The following ZZEF1 variants were observed in gnomAD, a reference collection of about 807,000 sequenced individuals.
ZZEF1 encodes the protein zinc finger ZZ-type and EF-hand domain-containing protein 1.
ZZEF1 carries 157 observed loss-of-function variants against 342.8 expected under a neutral mutation model. The observed-to-expected ratio is 0.46, with a 90% confidence interval of 0.40 to 0.52. The LOEUF (loss-of-function observed/expected upper bound fraction) is 0.52, where lower values mean the gene tolerates loss of function less well. ZZEF1 is among the 20% of genes least tolerant of loss of function. The pLI, the probability that ZZEF1 is intolerant of heterozygous loss-of-function variation, is 0.00. For synonymous variants in ZZEF1, 1,505 were observed against 1,429.1 expected (o/e 1.05, Z -1.20); for missense variants, 3,480 against 3,725.6 (o/e 0.93, Z 1.72).
chr17:4,137,949 C>G (rs2058779588), intron 1 of ZZEF1, among the ~76,000 whole-genome samples: 1 of 152,112 alleles, frequency 6.6e-6, no homozygotes, highest in African/African-American at 2.4e-5. Context: ...ATACACAGGA[C>G]AAAGGAGGTG....
intron 24 of ZZEF1, among the ~76,000 whole-genome samples, chr17:4,073,491 G>A (rs1163172465): frequency 6.6e-6 from 1 of 152,240 alleles, no homozygotes; most frequent in East Asian, 1.9e-4. Flanking sequence ...GAGTGCAGCA[G>A]TATGATCACA....
chr17:4,049,881 G>A (rs779201606), intron 36 of ZZEF1, 22 bp from the exon 37 acceptor site: 1 of 1,610,478 alleles, frequency 6.2e-7, no homozygotes, highest in South Asian at 1.1e-5. Context: ...GCAAATCAGA[G>A]AATGGTTAGA....
chr17:4,014,102 G>A lies in ZZEF1; in HGVS notation c.8401C>T (p.Arg2801Trp), dbSNP rs762376601. ...CCAGAGCACACACCTGTCTGGAACC[G>A]CCCCAGGTGTCCGGCCGTCACGGTG... Reference protein sequence around the residue: ...RFTVTAGHLGRFQTGFEILKQ... With the variant: ...RFTVTAGHLGWFQTGFEILKQ... The change falls in exon 51 of 55, where the codon CGG becomes TGG. Residue 2801 changes from arginine (R) to tryptophan (W), a missense_variant. Physicochemically the swap from Arg to Trp is moderately radical, Grantham distance 101 (BLOSUM62 -3). Around this residue, in one of 5 missense-constraint regions of ZZEF1, gnomAD observed 1,269 missense variants for 1,342.4 expected, o/e 0.95. Coordinates refer to ENST00000381638, the MANE Select transcript of ZZEF1 (RefSeq NM_015113.4). The surrounding 1 kb of genome is among the most constrained non-coding windows in gnomAD (Gnocchi z 4.4). 1.4e-5 allele frequency: 22 copies of A among 1,614,008 alleles called. No homozygotes were observed. The highest frequency in any genetic ancestry group is 1.8e-5 in the Non-Finnish European group (21 of 1,180,024).
At chr17:4,141,217 T>C (rs1484067754) in intron 1 of ZZEF1, among the ~76,000 whole-genome samples, 1 of 152,198 alleles carries the variant, frequency 6.6e-6, no homozygotes, top group African/African-American at 2.4e-5. Flanking sequence ...CCATGACTAT[T>C]ATTTTTAAGG....
At position 4,086,691 on chromosome 17, in the gene ZZEF1, G is replaced by A. The variant is rs1443060353; in HGVS notation, c.2343-36C>T. 3 of 1,609,076 alleles carry A rather than the reference G, an allele frequency of 1.9e-6. No individual in the cohort carries two copies. In the South Asian group the frequency reaches 3.3e-5, roughly 18 times the overall value. ...ACAAAAAACATCAGAGAGCAAAAGG[G>A]CAAGTTGCATTTACTCTCCAAAGCC... On this transcript the variant is annotated intron_variant, in intron 14 of 54. Transcript: ENST00000381638.
Position 4,064,837 on chromosome 17 carries a change from C to T in ZZEF1, c.4250-8G>A. On this transcript the variant is annotated splice_region_variant and splice_polypyrimidine_tract_variant and intron_variant, in intron 28 of 54. Transcript: ENST00000381638. ...TCTCAATGCACTCTTTTGCTAGATG[C>T]AAACAAGAATCATAATTGAAAAAAA... 1.2e-6 allele frequency: 1 copy of T among 849,894 alleles called. No individual in the cohort carries two copies. The highest frequency in any genetic ancestry group is 1.6e-6 in the Non-Finnish European group (1 of 631,702). 52.6% of individuals were successfully genotyped at this position (849,894 alleles called of 1,614,324 possible). A position where few individuals can be genotyped will look rare whatever the true frequency, so the allele number is the denominator to read the frequency against.
chr17:4,007,546 T>C (rs2055833419), intron 54 of ZZEF1, among the ~76,000 whole-genome samples: 1 of 151,702 alleles, frequency 6.6e-6, no homozygotes, highest in Non-Finnish European at 1.5e-5. Flanking sequence ...AAATGGAGAC[T>C]GGACAGGGGC....
chr17:4,026,519 T>G (rs899887235), intron 42 of ZZEF1, among the ~76,000 whole-genome samples: 7 of 151,708 alleles, frequency 4.6e-5, no homozygotes, highest in African/African-American at 9.7e-5. Context: ...CATCTTTTTT[T>G]TTTCTTTTTT....
rs528960043 is a variant in ZZEF1 at position 4,075,144 on chromosome 17, G to A, written c.3436C>T (p.Arg1146Trp). Residue 1146 changes from arginine (R) to tryptophan (W), a missense_variant, in exon 23 of 55, where the codon CGG becomes TGG. Physicochemically the swap from Arg to Trp is moderately radical, Grantham distance 101 (BLOSUM62 -3). This residue lies in a region of ZZEF1 where 1,528 missense variants were observed against 1,624.1 expected (regional missense o/e 0.94). Transcript: ENST00000381638. ...ACTTTTGTGTCATAGCGTGTTTTCC[G>A]ACCTCTAGCGTCGGTAAATTCCAGA... is the stretch of plus-strand genomic sequence containing the variant. Reference protein sequence around the residue: ...DYLEFTDARGRKTRYDTKVGT... With the variant: ...DYLEFTDARGWKTRYDTKVGT... The A allele has an allele frequency of 1.6e-5, 26 of 1,614,176 alleles. No individual in the cohort carries two copies. The highest frequency in any genetic ancestry group is 4.5e-5 in the East Asian group (2 of 44,888).
intron 24 of ZZEF1, among the ~76,000 whole-genome samples, chr17:4,073,787 T>C (rs2057555233): frequency 6.6e-6 from 1 of 152,198 alleles, no homozygotes. Context: ...TATCTACATA[T>C]ATTTACATAA....
chr17:4,018,683 T>G (rs893562753), intron 46 of ZZEF1, among the ~76,000 whole-genome samples: 14 of 152,086 alleles, frequency 9.2e-5, no homozygotes, highest in Non-Finnish European at 1.0e-4. Flanking sequence ...CCCTTCTCTC[T>G]CTCTAAAGCT....
intron 1 of ZZEF1, among the ~76,000 whole-genome samples, chr17:4,128,452 A>G (rs927739524): frequency 1.4e-4 from 13 of 94,666 alleles, no homozygotes; most frequent in South Asian, 4.9e-4. Context: ...ATATTTTTCT[A>G]AAGTTGTTTT....
At position 4,054,128 on chromosome 17, in the gene ZZEF1, TCATCACA is replaced by T; in HGVS notation, c.5356_5362del (p.Cys1786ArgfsTer24). On this transcript the variant is annotated frameshift_variant, in exon 34 of 55. Transcript: ENST00000381638. LOFTEE classifies it high-confidence loss of function. ...GCGGTATCGATGCCAGGGGGCAATC[TCATCACA>T]CCCATCACAAGAGATGTCCACATTT... The T allele has an allele frequency of 6.2e-7, 1 of 1,613,744 alleles. No homozygotes were observed. The highest frequency in any genetic ancestry group is 8.5e-7 in the Non-Finnish European group (1 of 1,179,818).
At chr17:4,054,525 C>T (rs549418465) in intron 33 of ZZEF1, among the ~76,000 whole-genome samples, 6 of 152,188 alleles carry the variant, frequency 3.9e-5, no homozygotes, top group Non-Finnish European at 5.9e-5. Context: ...AGGTACTAGA[C>T]GGGTCGGGGT....
In ZZEF1 at chr17:4,004,742, C is replaced by T. The variant is rs2055766779; in HGVS notation, c.*2148G>A. The stretch of plus-strand genomic sequence containing the variant: ...ACCTTTGCTCTGCGGGCTTCGCCTC[C>T]TCCGGGCCTGGGGCTCCTGGAAAGC... On this transcript the variant is annotated 3_prime_UTR_variant, in exon 55 of 55. Coordinates refer to ENST00000381638, the MANE Select transcript of ZZEF1 (RefSeq NM_015113.4). The T allele has an allele frequency of 1.3e-5, 2 of 152,306 alleles. No individual in the cohort carries two copies. The highest frequency in any genetic ancestry group is 2.9e-5 in the Non-Finnish European group (2 of 68,066). The allele number at this position is 152,306 out of a possible 1,614,324, so 9.4% of individuals were successfully genotyped here.
intron 2 of ZZEF1, among the ~76,000 whole-genome samples, chr17:4,123,268 CAT>C (rs60101709): frequency 0.14 from 11,440 of 83,298 alleles, 695 homozygotes; most frequent in East Asian, 0.2. Context: ...TTATCATAAC[CAT>C]ATATATATAT....
At chr17:4,132,202 T>C (rs1312391452) in intron 1 of ZZEF1, among the ~76,000 whole-genome samples, 4 of 17,220 alleles carry the variant, frequency 2.3e-4, no homozygotes, top group Admixed American at 8.5e-4. Context: ...AAATTTTCTC[T>C]TTTTTTTTTT....
intron 2 of ZZEF1, among the ~76,000 whole-genome samples, chr17:4,119,285 G>C (rs141157574): frequency 6.0e-4 from 92 of 152,310 alleles, no homozygotes; most frequent in Non-Finnish European, 1.2e-3. Flanking sequence ...GGCCAAATAT[G>C]AGAGTTGAAT....
In ZZEF1 at chr17:4,013,465, G is replaced by A. The variant is rs201545882; in HGVS notation, c.8563C>T (p.Arg2855Ter). Residue 2855 changes from arginine (R) to a stop codon, truncating the protein, a stop_gained, in exon 52 of 55, where the codon CGA becomes TGA. Transcript: ENST00000381638. LOFTEE classifies it high-confidence loss of function. ...KAIHLLLRIVRCCGHSDLCDL... is the reference protein window; with the variant it reads ...KAIHLLLRIV ...ACCGCTTACCTGTGGCCGCAGCATCGCACAATCCTCAGAAGTAAGTGGATG... is the reference window on the plus strand; with the variant it reads ...ACCGCTTACCTGTGGCCGCAGCATCACACAATCCTCAGAAGTAAGTGGATG... 3.1e-6 allele frequency: 5 copies of A among 1,610,410 alleles called. No individual in the cohort carries two copies. The highest frequency in any genetic ancestry group is 1.7e-4 in the Middle Eastern group (1 of 6,040).
Sources: gnomAD v4.1 joint callset for allele counts (sites outside exome capture counted in the v4.1 genomes callset) on GRCh38, gnomAD v4.1.1 for gene constraint, gnomAD v4.1.1 regional missense constraint, Gnocchi (gnomAD v3.1) non-coding constraint, MANE v1.5 for transcripts, NCBI Gene and HGNC (gene_info 2026-07-23, HGNC 2026-07-21) for gene names.